Variants in KLF8 observed in about 807,000 individuals in gnomAD.
KLF8 encodes KLF transcription factor 8, also known as Krueppel-like factor 8.
In KLF8, 10 loss-of-function variants were observed where a neutral mutation model predicts 18.2. The ratio of observed to expected loss-of-function variants is 0.55; its 90% CI spans 0.34 to 0.93. The LOEUF is 0.93. Among genes scored for constraint, KLF8 ranks in the 40% least tolerant of loss-of-function variants. KLF8 has a pLI of 0.02. For missense variants in KLF8, 264 were observed against 277.9 expected (o/e 0.95, Z 0.36); for synonymous variants, 109 against 97.3 (o/e 1.12, Z -0.71).
the KLF8 span, among the ~76,000 whole-genome samples, chrX:55,923,298 T>A: frequency 1.8e-5 from 1 of 56,390 alleles, no homozygotes; most frequent in Non-Finnish European, 3.1e-5. Flanking sequence ...GACACATGGG[T>A]GGGGGGTGGG....
chrX:55,941,836 A>C, the KLF8 span, among the ~76,000 whole-genome samples: 1 of 112,022 alleles, frequency 8.9e-6, no homozygotes, highest in Non-Finnish European at 1.9e-5. Flanking sequence ...CACACCAGTT[A>C]GAATGACGAT....
At chrX:56,270,426 C>A in intron 5 of KLF8, 105 bp downstream of exon 5, 1 of 830,308 alleles carries the variant, frequency 1.2e-6, no homozygotes. Flanking sequence ...GAGAGAGGGG[C>A]AGAGAGAGAG....
the KLF8 span, among the ~76,000 whole-genome samples, chrX:56,116,360 A>T: frequency 1.8e-5 from 2 of 111,904 alleles, no homozygotes; most frequent in Non-Finnish European, 3.8e-5. Flanking sequence ...GAATTGATGA[A>T]AGAGCTAGTG....
At chrX:56,081,750 G>T in the KLF8 span, among the ~76,000 whole-genome samples, 4 of 111,851 alleles carry the variant, frequency 3.6e-5, no homozygotes, top group African/African-American at 1.3e-4. Context: ...TTAATGTGAT[G>T]TATTACATTG....
chrX:56,107,086 G>A, the KLF8 span, among the ~76,000 whole-genome samples: 3 of 111,525 alleles, frequency 2.7e-5, no homozygotes, highest in South Asian at 1.1e-3. Context: ...CATTCCTCTG[G>A]AAGCTTTATC....
At chrX:55,996,284 T>G in the KLF8 span, among the ~76,000 whole-genome samples, 1 of 111,781 alleles carries the variant, frequency 8.9e-6, no homozygotes, top group Non-Finnish European at 1.9e-5. Flanking sequence ...TTTTTTAGAT[T>G]CTTTTGGATT....
At chrX:56,017,244 C>A in the KLF8 span, among the ~76,000 whole-genome samples, 1 of 112,122 alleles carries the variant, frequency 8.9e-6, no homozygotes, top group Non-Finnish European at 1.9e-5. Flanking sequence ...AACTTGTAGG[C>A]ATGCCATTGC....
the KLF8 span, among the ~76,000 whole-genome samples, chrX:56,209,730 G>T: frequency 9.0e-6 from 1 of 110,644 alleles, no homozygotes; most frequent in Admixed American, 9.6e-5. Context: ...TTTCCTTTCT[G>T]TCTTTATCTA....
the KLF8 span, among the ~76,000 whole-genome samples, chrX:56,191,042 TAAAC>T: frequency 2.7e-5 from 3 of 110,649 alleles, no homozygotes; most frequent in African/African-American, 9.8e-5. Flanking sequence ...TTTGAAAAGT[TAAAC>T]AAAACTGACA....
At chrX:56,041,476 T>C in the KLF8 span, among the ~76,000 whole-genome samples, 7 of 20,113 alleles carry the variant, frequency 3.5e-4, no homozygotes, top group African/African-American at 7.3e-4. Flanking sequence ...AGTCTATCTA[T>C]TTTTTTTTTT....
the KLF8 span, among the ~76,000 whole-genome samples, chrX:56,008,050 G>A: frequency 6.4e-5 from 7 of 109,024 alleles, no homozygotes; most frequent in African/African-American, 2.0e-4. Context: ...ATGAGCATAA[G>A]CAATATTTTG....
chrX:56,129,913 T>A, the KLF8 span, among the ~76,000 whole-genome samples: 5 of 109,707 alleles, frequency 4.6e-5, no homozygotes, highest in East Asian at 1.2e-3. Context: ...CCTACTTCCC[T>A]AACAACCTGC....
chrX:55,990,619 A>G, the KLF8 span, among the ~76,000 whole-genome samples: 1 of 111,190 alleles, frequency 9.0e-6, no homozygotes, highest in African/African-American at 3.3e-5. Flanking sequence ...CTTTTTCCCC[A>G]TCTTTGTGGT....
At chrX:56,085,505 T>C in the KLF8 span, among the ~76,000 whole-genome samples, 1 of 107,756 alleles carries the variant, frequency 9.3e-6, no homozygotes, top group African/African-American at 3.8e-5. Flanking sequence ...TTTTGTTCTA[T>C]TCAGGCTCTC....
the KLF8 span, among the ~76,000 whole-genome samples, chrX:56,160,109 A>T: frequency 8.9e-6 from 1 of 111,873 alleles, no homozygotes; most frequent in East Asian, 2.8e-4. Context: ...CATTGGTTTC[A>T]AAGAACATCT....
the KLF8 span, among the ~76,000 whole-genome samples, chrX:56,175,346 C>T: frequency 4.5e-5 from 5 of 111,862 alleles, no homozygotes; most frequent in African/African-American, 1.3e-4. Flanking sequence ...GCCTTCTTTT[C>T]GTTATGTACC....
At chrX:56,181,069 G>T in the KLF8 span, among the ~76,000 whole-genome samples, 1 of 111,116 alleles carries the variant, frequency 9.0e-6, no homozygotes, top group Non-Finnish European at 1.9e-5. Flanking sequence ...GGGTACTAAA[G>T]TCTCCCATTA....
chrX:56,152,195 GAATTC>G, the KLF8 span, among the ~76,000 whole-genome samples: 1 of 111,386 alleles, frequency 9.0e-6, no homozygotes, highest in Non-Finnish European at 1.9e-5. Flanking sequence ...CTGTCTAAAT[GAATTC>G]AACAAGGTGC....
chrX:55,927,636 C>T, the KLF8 span, among the ~76,000 whole-genome samples: 1 of 112,209 alleles, frequency 8.9e-6, no homozygotes, highest in African/African-American at 3.2e-5. Flanking sequence ...TAATGCATAG[C>T]TTTAATTCAT....
Sources: gnomAD v4.1 joint callset for allele counts (sites outside exome capture counted in the v4.1 genomes callset) on GRCh38, gnomAD v4.1.1 for gene constraint, MANE v1.5 for transcripts, NCBI Gene and HGNC (gene_info 2026-07-23, HGNC 2026-07-21) for gene names.